NDST3: variants seen among roughly 807,000 people sequenced by gnomAD.
NDST3 encodes the protein N-deacetylase and N-sulfotransferase 3.
NDST3 carries 58 observed loss-of-function variants against 96.1 expected under a neutral mutation model. The observed-to-expected ratio is 0.60, with a 90% confidence interval of 0.49 to 0.75. NDST3 has a LOEUF of 0.75. Among genes scored for constraint, NDST3 ranks in the 30% least tolerant of loss-of-function variants. The pLI, the probability that NDST3 is intolerant of heterozygous loss-of-function variation, is 0.00. For missense variants in NDST3, 788 were observed against 1,034.2 expected (o/e 0.76, Z 3.27); for synonymous variants, 333 against 359.7 (o/e 0.93, Z 0.84).
intron 6 of NDST3, among the ~76,000 whole-genome samples, chr4:118,221,090 T>C (rs1483306275): frequency 6.6e-6 from 1 of 151,998 alleles, no homozygotes; most frequent in Non-Finnish European, 1.5e-5. Context: ...TCTCTGAGTA[T>C]AAAGACTGGT....
At chr4:118,193,547 G>C (rs745742670) in intron 6 of NDST3, 74 of 1,009,562 alleles carry the variant, frequency 7.3e-5, no homozygotes, top group Non-Finnish European at 1.1e-4. Context: ...AAACGTGTTG[G>C]CGTAGAGCGT....
At chr4:118,149,546 G>A (rs1560679685) in intron 6 of NDST3, among the ~76,000 whole-genome samples, 2 of 145,322 alleles carry the variant, frequency 1.4e-5, no homozygotes, top group Admixed American at 1.4e-4. Context: ...TCATGATTTG[G>A]CTCTCTGTTT....
intron 6 of NDST3, among the ~76,000 whole-genome samples, chr4:118,214,162 A>G (rs2125988376): frequency 6.6e-6 from 1 of 152,318 alleles, no homozygotes; most frequent in South Asian, 2.1e-4. Context: ...AATAAAAAAC[A>G]TCTACCAATG....
chr4:118,035,676 A>T (rs1724111273), intron 1 of NDST3, among the ~76,000 whole-genome samples: 1 of 151,948 alleles, frequency 6.6e-6, no homozygotes, highest in Non-Finnish European at 1.5e-5. Context: ...ACATATAAAG[A>T]GGCTTGCCTA....
intron 4 of NDST3, among the ~76,000 whole-genome samples, chr4:118,116,960 G>A (rs1482680451): frequency 2.6e-5 from 4 of 152,104 alleles, no homozygotes; most frequent in Non-Finnish European, 1.5e-5. Context: ...AAAGTATCAT[G>A]TGTAAAAGAA....
chr4:118,200,825 T>C (rs781350237), intron 6 of NDST3, among the ~76,000 whole-genome samples: 4 of 152,164 alleles, frequency 2.6e-5, no homozygotes, highest in Non-Finnish European at 5.9e-5. Context: ...ACAGGGTACA[T>C]GTACAGATTT....
intron 6 of NDST3, among the ~76,000 whole-genome samples, chr4:118,198,783 G>A (rs563204278): frequency 2.0e-5 from 3 of 151,398 alleles, no homozygotes; most frequent in Admixed American, 2.0e-4. Flanking sequence ...GTCTAGGAAA[G>A]TCTTTATTTT....
Position 118,066,370 on chromosome 4 carries a change from ATATATCATATATCATATGT to A in NDST3, c.981+11485_981+11503del, listed in dbSNP as rs1726463090. On this transcript the variant is annotated intron_variant, in intron 2 of 13. Coordinates refer to ENST00000296499, the MANE Select transcript of NDST3 (RefSeq NM_004784.3). ...TATCATATATCATATGTTATATATTATATATCATATATCATATGTTATATATTATATATCATATATCATA... is the reference window on the plus strand; with the variant it reads ...TATCATATATCATATGTTATATATTATATATATTATATATCATATATCATA... Among the ~76,000 whole-genome samples the A allele has an allele frequency of 2.3e-5, 2 of 86,882 alleles. 1 individual carries two copies. The highest frequency in any genetic ancestry group is 9.4e-5 in the African/African-American group (2 of 21,180). 57.0% of individuals were successfully genotyped at this position (86,882 alleles called of 152,430 possible). A position where few individuals can be genotyped will look rare whatever the true frequency, so the allele number is the denominator to read the frequency against.
intron 6 of NDST3, among the ~76,000 whole-genome samples, chr4:118,167,785 A>T (rs1337800781): frequency 6.6e-6 from 1 of 152,084 alleles, no homozygotes; most frequent in Non-Finnish European, 1.5e-5. Flanking sequence ...ACCTTTGACA[A>T]GGGCATCAAG....
chr4:118,226,755 T>G, intron 7 of NDST3, 131 bp from the exon 8 acceptor site: 1 of 644,810 alleles, frequency 1.6e-6, no homozygotes, highest in South Asian at 2.1e-5. Flanking sequence ...GGGCTTTCAT[T>G]TTTTTAAAAG....
chr4:118,184,462 G>C (rs933429577), intron 6 of NDST3, among the ~76,000 whole-genome samples: 13 of 151,964 alleles, frequency 8.6e-5, no homozygotes, highest in African/African-American at 3.1e-4. Flanking sequence ...GACTCAAACT[G>C]CAACTCTTCT....
At position 118,041,356 on chromosome 4, in the gene NDST3, A is replaced by G. The variant is rs188668042; in HGVS notation, c.-156+6764A>G. On this transcript the variant is annotated intron_variant, in intron 1 of 13. Coordinates refer to ENST00000296499, the MANE Select transcript of NDST3 (RefSeq NM_004784.3). ...GTTTATTAATATTAGCTGCATTACT[A>G]TTGTTATTCTATATCTTCCCATATC... Among the ~76,000 whole-genome samples, 11 of 152,270 alleles carry G rather than the reference A, an allele frequency of 7.2e-5. No homozygotes were observed. The East Asian group carries it at 1.9e-3, about 27-fold the overall frequency.
chr4:118,180,362 T>C (rs1355761248), intron 6 of NDST3, among the ~76,000 whole-genome samples: 1 of 152,102 alleles, frequency 6.6e-6, no homozygotes, highest in Non-Finnish European at 1.5e-5. Context: ...TGGTATTTGG[T>C]TTTTTGTTCC....
chr4:118,090,840 T>C lies in NDST3; in HGVS notation c.982-14178T>C, dbSNP rs1192732195. On this transcript the variant is annotated intron_variant, in intron 2 of 13. Coordinates refer to ENST00000296499, the MANE Select transcript of NDST3 (RefSeq NM_004784.3). Reference sequence around the variant, plus strand: ...TTTCAGACAAAAATTCTAGAGCCTTTATAACATAGAAGAGTTTTATGAAAG... The same window carrying C: ...TTTCAGACAAAAATTCTAGAGCCTTCATAACATAGAAGAGTTTTATGAAAG... Among the ~76,000 whole-genome samples, 3 of 151,920 alleles carry C rather than the reference T, an allele frequency of 2.0e-5. No individual in the cohort carries two copies. The Admixed American group carries it at 2.0e-4, about 10-fold the overall frequency.
intron 2 of NDST3, among the ~76,000 whole-genome samples, chr4:118,072,521 A>G (rs1397660933): frequency 6.6e-6 from 1 of 151,772 alleles, no homozygotes; most frequent in Non-Finnish European, 1.5e-5. Flanking sequence ...TTGATTTGGC[A>G]CTCAGCTTTG....
chr4:118,148,153 C>T (rs1192849001), intron 6 of NDST3, among the ~76,000 whole-genome samples: 1 of 152,118 alleles, frequency 6.6e-6, no homozygotes, highest in Non-Finnish European at 1.5e-5. Flanking sequence ...AAAAAATTAG[C>T]CAGGCGTGGT....
intron 2 of NDST3, among the ~76,000 whole-genome samples, chr4:118,102,479 T>C (rs1018245975): frequency 6.6e-6 from 1 of 152,146 alleles, no homozygotes; most frequent in African/African-American, 2.4e-5. Flanking sequence ...GAATTTTAGA[T>C]ATGATCACAC....
At chr4:118,121,048 G>T (rs918960940) in intron 4 of NDST3, among the ~76,000 whole-genome samples, 1 of 151,780 alleles carries the variant, frequency 6.6e-6, no homozygotes, top group Non-Finnish European at 1.5e-5. Flanking sequence ...GCTAGCCTTG[G>T]AATTACAATT....
At chr4:118,162,071 C>T (rs1361842305) in intron 6 of NDST3, among the ~76,000 whole-genome samples, 2 of 152,166 alleles carry the variant, frequency 1.3e-5, no homozygotes, top group African/African-American at 2.4e-5. Flanking sequence ...TCAAGGAGAA[C>T]TACAAACCAC....
Sources: allele counts gnomAD v4.1 joint callset (sites outside exome capture counted in the v4.1 genomes callset), GRCh38; gene constraint gnomAD v4.1.1; transcripts MANE v1.5; gene names NCBI Gene and HGNC (gene_info 2026-07-23, HGNC 2026-07-21).